The following RBM33 variants were observed in gnomAD, a reference collection of about 807,000 sequenced individuals.
The protein encoded by RBM33 is RNA binding motif protein 33, also known as RNA-binding protein 33.
RBM33 carries 28 observed loss-of-function variants against 132.6 expected under a neutral mutation model. The observed-to-expected ratio is 0.21, with a 90% CI of 0.16 to 0.29. The LOEUF (loss-of-function observed/expected upper bound fraction) is 0.29, where lower values mean the gene tolerates loss of function less well. Among genes scored for constraint, RBM33 ranks in the 10% least tolerant of loss-of-function variants. RBM33 has a pLI of 1.00. For missense variants in RBM33, 1,291 were observed against 1,518.5 expected (o/e 0.85, Z 2.49); for synonymous variants, 634 against 593.0 (o/e 1.07, Z -1.01).
In RBM33 at chr7:155,774,738, G is replaced by T. The variant is rs148367138; in HGVS notation, c.3464+91G>T. ...TCCCATCCATCATGGTAGCAAGCGTGTGTCCCCACCTGTTCCTGTAGAAGG... is the reference window on the plus strand; with the variant it reads ...TCCCATCCATCATGGTAGCAAGCGTTTGTCCCCACCTGTTCCTGTAGAAGG... On this transcript the variant is annotated intron_variant, in intron 17 of 17. Coordinates refer to ENST00000401878, the MANE Select transcript of RBM33 (RefSeq NM_053043.3). This position sits in a 1 kb window ranked among gnomAD's most constrained non-coding sequence, Gnocchi z 4.2. The T allele has an allele frequency of 1.5e-5, 16 of 1,080,782 alleles. No individual in the cohort carries two copies. Among genetic ancestry groups the T allele is most frequent in the Non-Finnish European group, 2.2e-5 (15 of 695,814 alleles). 66.9% of individuals were successfully genotyped at this position (1,080,782 alleles called of 1,614,324 possible).
intron 14 of RBM33, among the ~76,000 whole-genome samples, chr7:155,758,768 C>G (rs935870762): frequency 6.6e-6 from 1 of 152,174 alleles, no homozygotes; most frequent in African/African-American, 2.4e-5. Flanking sequence ...CTGAAGCACC[C>G]CACTTTCTGT....
chr7:155,737,997 T>A, intron 10 of RBM33, 63 bp from the exon 11 acceptor site: 1 of 1,404,944 alleles, frequency 7.1e-7, no homozygotes, highest in Non-Finnish European at 9.9e-7. Context: ...TGCTTCAGAC[T>A]GCTTTTCTGA....
intron 15 of RBM33, among the ~76,000 whole-genome samples, 179 bp downstream of exon 15, chr7:155,764,197 T>C (rs1282886396): frequency 1.3e-5 from 2 of 152,168 alleles, no homozygotes; most frequent in African/African-American, 2.4e-5. Flanking sequence ...AGCCTTTTCC[T>C]CTCCTGACTT....
chr7:155,645,136 A>G (rs1798144999), intron 1 of RBM33: 1 of 461,720 alleles, frequency 2.2e-6, no homozygotes, highest in Non-Finnish European at 3.9e-6. Flanking sequence ...CTTACCTGTG[A>G]ACTTCTGTGT....
intron 1 of RBM33, among the ~76,000 whole-genome samples, chr7:155,652,648 T>C (rs564568300): frequency 9.2e-5 from 14 of 152,278 alleles, no homozygotes; most frequent in African/African-American, 3.4e-4. Context: ...GGAAAATTGA[T>C]CCCCCTATTA....
intron 1 of RBM33, among the ~76,000 whole-genome samples, chr7:155,655,753 T>A (rs1036680693): frequency 6.6e-6 from 1 of 152,138 alleles, no homozygotes; most frequent in African/African-American, 2.4e-5. Flanking sequence ...ATAACAGTTG[T>A]CTTCAGGAAA....
chr7:155,654,353 C>CTTAATGG (rs1250357746), intron 1 of RBM33, among the ~76,000 whole-genome samples: 1 of 151,866 alleles, frequency 6.6e-6, no homozygotes, highest in Admixed American at 6.6e-5. Context: ...TTTGTAGTTA[C>CTTAATGG]TTTGTTTTAC....
chr7:155,742,910 T>C (rs756212181), intron 13 of RBM33, among the ~76,000 whole-genome samples: 4 of 152,202 alleles, frequency 2.6e-5, no homozygotes, highest in East Asian at 1.9e-4. Flanking sequence ...GTGAAATGCA[T>C]GTGGAGTGCT....
intron 9 of RBM33, among the ~76,000 whole-genome samples, chr7:155,734,848 G>A (rs554829764): frequency 1.3e-5 from 2 of 152,214 alleles, no homozygotes; most frequent in African/African-American, 4.8e-5. Flanking sequence ...GCAAGCAGAG[G>A]CAGGCAGTTG....
intron 2 of RBM33, among the ~76,000 whole-genome samples, chr7:155,668,826 C>T (rs372864205): frequency 2.6e-5 from 4 of 152,064 alleles, no homozygotes; most frequent in African/African-American, 7.2e-5. Flanking sequence ...ATTGTCGTTT[C>T]GTATCTTTAT....
intron 14 of RBM33, among the ~76,000 whole-genome samples, chr7:155,759,098 G>A (rs1801944107): frequency 6.6e-6 from 1 of 152,220 alleles, no homozygotes; most frequent in Non-Finnish European, 1.5e-5. Flanking sequence ...AGTCGTCAAC[G>A]AGGTATGACA....
chr7:155,729,941 ACTTC>A (rs202036448), intron 9 of RBM33, among the ~76,000 whole-genome samples: 2,271 of 152,060 alleles, frequency 0.015, 52 homozygotes, highest in African/African-American at 0.052. Flanking sequence ...AACCTTTGTT[ACTTC>A]CTTCCTTCAT....
chr7:155,758,810 T>C (rs1050838806), intron 14 of RBM33, among the ~76,000 whole-genome samples: 2 of 152,126 alleles, frequency 1.3e-5, no homozygotes, highest in South Asian at 2.1e-4. Flanking sequence ...CTGAGGACAC[T>C]GTGGTGCACA....
chr7:155,709,913 C>G (rs1041074300), intron 7 of RBM33, among the ~76,000 whole-genome samples: 1 of 152,206 alleles, frequency 6.6e-6, no homozygotes, highest in Non-Finnish European at 1.5e-5. Context: ...TTTTAGAATT[C>G]TACTCATTGT....
chr7:155,723,155 A>G (rs1374709136), intron 9 of RBM33, among the ~76,000 whole-genome samples: 1 of 152,220 alleles, frequency 6.6e-6, no homozygotes, highest in African/African-American at 2.4e-5. Context: ...GATGTGTCTT[A>G]TAGGCCATTT....
At chr7:155,716,122 C>T (rs1053590211) in intron 8 of RBM33, among the ~76,000 whole-genome samples, 50 of 152,270 alleles carry the variant, frequency 3.3e-4, no homozygotes, top group African/African-American at 1.2e-3. Context: ...TGGTCTCTAA[C>T]ATCACACCTG....
At chr7:155,737,241 T>TGCGC (rs974679597) in intron 9 of RBM33, among the ~76,000 whole-genome samples, 3 of 135,018 alleles carry the variant, frequency 2.2e-5, no homozygotes, top group African/African-American at 6.4e-5. Context: ...ACCATCTAGG[T>TGCGC]GCGCGTGTGT....
intron 3 of RBM33, among the ~76,000 whole-genome samples, chr7:155,673,939 A>AGTTGTT (rs144951964): frequency 4.9e-4 from 7 of 14,348 alleles, no homozygotes; most frequent in African/African-American, 1.7e-3. Context: ...GTTTAGGCTT[A>AGTTGTT]GTTTTTTTTT....
chr7:155,718,188 C>T (rs772071259), intron 8 of RBM33, among the ~76,000 whole-genome samples, 197 bp from the exon 9 acceptor site: 42 of 151,872 alleles, frequency 2.8e-4, no homozygotes, highest in Admixed American at 1.3e-3. Flanking sequence ...TGCTGTGTAC[C>T]GAAAAGGAAA....
Sources: allele counts gnomAD v4.1 joint callset (sites outside exome capture counted in the v4.1 genomes callset), GRCh38; gene constraint gnomAD v4.1.1; non-coding constraint Gnocchi (gnomAD v3.1); transcripts MANE v1.5; gene names NCBI Gene and HGNC (gene_info 2026-07-23, HGNC 2026-07-21).